CPSF3: variants seen among roughly 807,000 people sequenced by gnomAD.
CPSF3 encodes the protein cleavage and polyadenylation specific factor 3.
In CPSF3, 57 loss-of-function variants were observed where a neutral mutation model predicts 84.1. That is an observed-to-expected ratio of 0.68 (90% CI 0.55 to 0.85). The LOEUF (loss-of-function observed/expected upper bound fraction) is 0.85. Among genes scored for constraint, CPSF3 ranks in the 40% least tolerant of loss-of-function variants. CPSF3 has a pLI of 0.00. For synonymous variants in CPSF3, 275 were observed against 278.1 expected (o/e 0.99, Z 0.11); for missense variants, 522 against 838.8 (o/e 0.62, Z 4.66).
rs1680777635 is a variant in CPSF3, at chr2:9,436,251, A to T, written c.650A>T (p.Glu217Val). 2 of 1,612,764 alleles carry T rather than the reference A, an allele frequency of 1.2e-6. No individual in the cohort carries two copies. Among genetic ancestry groups the T allele is most frequent in the Non-Finnish European group, 1.7e-6 (2 of 1,179,412 alleles). The change falls in exon 7 of 18, where the codon GAG (glutamate) becomes GTG (valine). Residue 217 changes from glutamate to valine, a missense_variant. Physicochemically the swap from Glu to Val is moderately radical, Grantham distance 121. Transcript: ENST00000238112. ...ACCCATATCCATGAGAAACGTGAAGAGCGAGAAGCAAGATTCTGTAACACT... is the reference window on the plus strand; with the variant it reads ...ACCCATATCCATGAGAAACGTGAAGTGCGAGAAGCAAGATTCTGTAACACT... ...YGTHIHEKREEREARFCNTVH... is the reference protein window; with the variant it reads ...YGTHIHEKREVREARFCNTVH...
At chr2:9,470,761 T>G (rs1258308308) in intron 16 of CPSF3, among the ~76,000 whole-genome samples, 1 of 152,240 alleles carries the variant, frequency 6.6e-6, no homozygotes, top group Non-Finnish European at 1.5e-5. Context: ...TTTCTTCACA[T>G]GTAAAAGGGG....
At chr2:9,450,318 A>G (rs1194481431) in intron 11 of CPSF3, among the ~76,000 whole-genome samples, 2 of 151,358 alleles carry the variant, frequency 1.3e-5, no homozygotes, top group Non-Finnish European at 2.9e-5. Flanking sequence ...CGCCCGGCTA[A>G]TTTTTTTTGT....
At chr2:9,445,877 G>C (rs1306644957) in intron 10 of CPSF3, among the ~76,000 whole-genome samples, 1 of 152,236 alleles carries the variant, frequency 6.6e-6, no homozygotes. Flanking sequence ...GTTGGTGGTA[G>C]TAATGAATAC....
chr2:9,436,302 G>A lies in CPSF3; in HGVS notation c.701G>A (p.Gly234Asp), dbSNP rs1680779557. The A allele has an allele frequency of 6.2e-7, 1 of 1,613,980 alleles. No homozygotes were observed. Among genetic ancestry groups the A allele is most frequent in the Non-Finnish European group, 8.5e-7 (1 of 1,179,896 alleles). ...NTVHDIVNRG[G>D]RGLIPVFALG... ...GTCCACGATATTGTAAACAGAGGAG[G>A]CAGGGGTCTCATTCCTGTCTTTGCT... The change falls in exon 7 of 18, where the codon GGC (glycine) becomes GAC (aspartate). Residue 234 changes from glycine to aspartate, a missense_variant. By Grantham distance (94) the Gly-to-Asp change is moderately conservative. Coordinates refer to ENST00000238112, the MANE Select transcript of CPSF3 (RefSeq NM_016207.4).
intron 15 of CPSF3, among the ~76,000 whole-genome samples, chr2:9,462,763 C>T (rs1681774488): frequency 6.6e-6 from 1 of 152,042 alleles, no homozygotes; most frequent in Non-Finnish European, 1.5e-5. Context: ...ATTAGTAATC[C>T]CTCTTATGCT....
Position 9,430,842 on chromosome 2 carries a change from T to C in CPSF3, c.303T>C (p.Ala101=). 6.2e-7 allele frequency: 1 copy of C among 1,613,108 alleles called. No homozygotes were observed. The highest frequency in any genetic ancestry group is 2.2e-5 in the East Asian group (1 of 44,850). Residue 101 remains alanine, a synonymous_variant, in exon 4 of 18, where the codon GCT becomes GCC. Coordinates refer to ENST00000238112, the MANE Select transcript of CPSF3 (RefSeq NM_016207.4). ...CATTTATGACTCATGCCACAAAAGC[T>C]ATTTATAGATGGCTTCTTTCTGATT... is the stretch of plus-strand genomic sequence containing the variant. ...GRTFMTHATK[A]IYRWLLSDYV... is the part of the protein sequence containing the mutation.
At chr2:9,466,380 TCGCACACACGCG>T (rs1225478939) in intron 15 of CPSF3, among the ~76,000 whole-genome samples, 1 of 130,182 alleles carries the variant, frequency 7.7e-6, no homozygotes, top group Non-Finnish European at 1.6e-5. Context: ...ACCCACGCAC[TCGCACACACGCG>T]CACACACACG....
At chr2:9,439,334 A>G (rs1481659880) in intron 7 of CPSF3, among the ~76,000 whole-genome samples, 1 of 152,126 alleles carries the variant, frequency 6.6e-6, no homozygotes, top group Non-Finnish European at 1.5e-5. Context: ...TTAGCCAGGC[A>G]TGGTGGCCAG....
At chr2:9,457,752 A>AT (rs901509855) in intron 14 of CPSF3, among the ~76,000 whole-genome samples, 18 of 149,632 alleles carry the variant, frequency 1.2e-4, no homozygotes, top group South Asian at 4.2e-4. Flanking sequence ...ATACATTCTA[A>AT]TTTTTTTTTT....
chr2:9,448,806 C>T (rs1344590103), intron 11 of CPSF3, among the ~76,000 whole-genome samples: 4 of 152,038 alleles, frequency 2.6e-5, no homozygotes, highest in Admixed American at 6.6e-5. Context: ...CCACCCACCT[C>T]CGCCTCCCAA....
At chr2:9,468,624 T>TG (rs1558467732) in intron 16 of CPSF3, among the ~76,000 whole-genome samples, 1 of 42,780 alleles carries the variant, frequency 2.3e-5, no homozygotes, top group Non-Finnish European at 8.6e-5. Context: ...CTGACCTTTT[T>TG]TTTTTTTTTT....
At chr2:9,437,108 C>T (rs1189659744) in intron 7 of CPSF3, among the ~76,000 whole-genome samples, 2 of 150,702 alleles carry the variant, frequency 1.3e-5, no homozygotes, top group East Asian at 3.9e-4. Context: ...GAGTTCAAAA[C>T]TATATTTACT....
chr2:9,431,021 G>GAA (rs1680566977), intron 4 of CPSF3, 141 bp downstream of exon 4: 1 of 652,250 alleles, frequency 1.5e-6, no homozygotes, highest in East Asian at 2.8e-5. Context: ...TCATTAACAA[G>GAA]GTCATTGAAA....
rs1022777816 is a variant in CPSF3, at chr2:9,428,644, A to T, written c.51-121A>T. 17 of 655,422 alleles carry T rather than the reference A, an allele frequency of 2.6e-5. No individual in the cohort carries two copies. The African/African-American group carries it at 2.9e-4, about 11-fold the overall frequency. The allele number at this position is 655,422 out of a possible 1,614,324, so 40.6% of individuals were successfully genotyped here. On this transcript the variant is annotated intron_variant, in intron 1 of 17. Coordinates refer to ENST00000238112, the MANE Select transcript of CPSF3 (RefSeq NM_016207.4). ...TTGTAGAACTCTCTTACGTCTCAGA[A>T]TTTTTCAGTGAGGTGCTGTCATCAG... is the stretch of plus-strand genomic sequence containing the variant.
chr2:9,443,592 T>A lies in CPSF3; in HGVS notation c.1173T>A (p.Ile391=). The change falls in exon 10 of 18, where the codon ATT becomes ATA. Residue 391 remains isoleucine, a synonymous_variant. Transcript: ENST00000238112. ...CACTGAAAATGTCTGTTGATTACAT[T>A]TCTTTCTCAGCTCACACGGATTACC... The part of the protein sequence containing the change: ...KLPLKMSVDY[I]SFSAHTDYQQ... 2 of 1,614,220 alleles carry A rather than the reference T, an allele frequency of 1.2e-6. No homozygotes were observed. The highest frequency in any genetic ancestry group is 1.7e-6 in the Non-Finnish European group (2 of 1,180,032).
intron 15 of CPSF3, 136 bp downstream of exon 15, chr2:9,459,754 A>G (rs1681670194): frequency 5.8e-6 from 3 of 520,496 alleles, no homozygotes; most frequent in South Asian, 4.4e-5. Flanking sequence ...GGTTCAAGCA[A>G]TTCTCCTGCC....
At chr2:9,466,132 G>A (rs1432868898) in intron 15 of CPSF3, among the ~76,000 whole-genome samples, 2 of 152,080 alleles carry the variant, frequency 1.3e-5, no homozygotes, top group African/African-American at 4.8e-5. Context: ...CTTGAACCCA[G>A]GAGTTTGAGA....
rs3220278 is a variant in CPSF3, at chr2:9,457,143, GTA to G, written c.1698+120_1698+121del. ...ATTAGAAAAAGAATATTGTTGGAAA[GTA>G]TATGTGTGTGTGTGTGTGTGTGTGT... On this transcript the variant is annotated intron_variant, in intron 14 of 17. Coordinates refer to ENST00000238112, the MANE Select transcript of CPSF3 (RefSeq NM_016207.4). The G allele has an allele frequency of 2.8e-4, 134 of 473,754 alleles. 1 individual carries two copies. Among genetic ancestry groups the G allele is most frequent in the Non-Finnish European group, 3.6e-4 (99 of 272,622 alleles). 29.3% of individuals were successfully genotyped at this position (473,754 alleles called of 1,614,324 possible).
At chr2:9,439,937 C>T (rs1324145581) in intron 7 of CPSF3, among the ~76,000 whole-genome samples, 1 of 152,136 alleles carries the variant, frequency 6.6e-6, no homozygotes, top group Non-Finnish European at 1.5e-5. Context: ...CATGATCATA[C>T]CACTACCCTC....
Sources: allele counts gnomAD v4.1 joint callset (sites outside exome capture counted in the v4.1 genomes callset), GRCh38; gene constraint gnomAD v4.1.1; transcripts MANE v1.5; gene names NCBI Gene and HGNC (gene_info 2026-07-23, HGNC 2026-07-21).